Variants in TMTC1 observed in about 807,000 individuals in gnomAD.
TMTC1 encodes transmembrane O-mannosyltransferase targeting cadherins 1.
Under a neutral mutation model 104.8 loss-of-function variants are expected in TMTC1, and 73 were observed. The ratio of observed to expected loss-of-function variants is 0.70; its 90% confidence interval spans 0.58 to 0.85. The LOEUF (loss-of-function observed/expected upper bound fraction) is 0.85, where lower values mean the gene tolerates loss of function less well. Among genes scored for constraint, TMTC1 ranks in the 40% least tolerant of loss-of-function variants. TMTC1 has a pLI of 0.00. For synonymous variants in TMTC1, 434 were observed against 428.7 expected (o/e 1.01, Z -0.15); for missense variants, 1,035 against 1,096.1 (o/e 0.94, Z 0.79).
At chr12:29,685,642 GA>G (rs993818204) in intron 5 of TMTC1, among the ~76,000 whole-genome samples, 2 of 151,288 alleles carry the variant, frequency 1.3e-5, no homozygotes, top group Middle Eastern at 3.4e-3. Context: ...CTTTCAACCA[GA>G]AAAAAAAGAG....
At chr12:29,747,080 T>C (rs1942972909) in intron 5 of TMTC1, among the ~76,000 whole-genome samples, 1 of 152,176 alleles carries the variant, frequency 6.6e-6, no homozygotes, top group African/African-American at 2.4e-5. Context: ...ATGCCTATTG[T>C]GGTCATTGTC....
In TMTC1 at chr12:29,502,908, G is replaced by A. The variant is rs1363603740; in HGVS notation, c.*3938C>T. ...TGCAGCCCGTGTTGAGAGCCACTAC[G>A]TGTGAGGGAACAGATGTCAACTATC... On this transcript the variant is annotated 3_prime_UTR_variant, in exon 18 of 18. Coordinates refer to ENST00000539277, the MANE Select transcript of TMTC1 (RefSeq NM_001193451.2). 1.3e-5 allele frequency: 2 copies of A among 152,210 alleles called. No homozygotes were observed. Among genetic ancestry groups the A allele is most frequent in the Non-Finnish European group, 2.9e-5 (2 of 68,042 alleles). The allele number at this position is 152,210 out of a possible 1,614,324, so 9.4% of individuals were successfully genotyped here. A position where few individuals can be genotyped will look rare whatever the true frequency, so the allele number is the denominator to read the frequency against.
intron 5 of TMTC1, among the ~76,000 whole-genome samples, chr12:29,655,375 C>T (rs1939710017): frequency 6.6e-6 from 1 of 152,000 alleles, no homozygotes; most frequent in South Asian, 2.1e-4. Context: ...ATTTTTTTTC[C>T]AATGTACTGC....
intron 13 of TMTC1, 128 bp from the exon 14 acceptor site, chr12:29,517,699 T>C: frequency 9.2e-7 from 1 of 1,086,554 alleles, no homozygotes; most frequent in Non-Finnish European, 1.3e-6. Flanking sequence ...TGTTTTTATA[T>C]CAATAACAAG....
intron 8 of TMTC1, among the ~76,000 whole-genome samples, chr12:29,581,294 T>C (rs1051333104): frequency 3.3e-5 from 5 of 152,228 alleles, no homozygotes; most frequent in African/African-American, 4.8e-5. Flanking sequence ...ACAGTCTTAA[T>C]AGTCTTTTAA....
intron 10 of TMTC1, among the ~76,000 whole-genome samples, chr12:29,545,362 G>A (rs763279659): frequency 6.6e-6 from 1 of 152,152 alleles, no homozygotes; most frequent in Non-Finnish European, 1.5e-5. Flanking sequence ...GATGGAGGCC[G>A]GGCACAATGG....
At chr12:29,591,108 C>A (rs1377518748) in intron 7 of TMTC1, among the ~76,000 whole-genome samples, 1 of 152,146 alleles carries the variant, frequency 6.6e-6, no homozygotes, top group Non-Finnish European at 1.5e-5. Context: ...TTAAGCCATA[C>A]AAAATAATCT....
At chr12:29,622,835 A>G (rs1204629113) in intron 6 of TMTC1, among the ~76,000 whole-genome samples, 2 of 152,170 alleles carry the variant, frequency 1.3e-5, no homozygotes, top group East Asian at 3.9e-4. Context: ...GATAAATTCT[A>G]CTCTTAAATT....
Position 29,544,026 on chromosome 12 carries a change from C to T in TMTC1, c.1677-7709G>A, listed in dbSNP as rs548298592. ...TGGGAGGCCAAGGTGGGCAGATCAC[C>T]TGAGGTCAGGAGTTTGAGACCAGCC... On this transcript the variant is annotated intron_variant, in intron 10 of 17. Coordinates refer to ENST00000539277, the MANE Select transcript of TMTC1 (RefSeq NM_001193451.2). Among the ~76,000 whole-genome samples the T allele has an allele frequency of 2.6e-5, 4 of 152,106 alleles. No homozygotes were observed. The East Asian group carries it at 7.7e-4, about 29-fold the overall frequency.
intron 16 of TMTC1, among the ~76,000 whole-genome samples, chr12:29,513,904 C>T (rs544175441): frequency 2.6e-5 from 4 of 152,052 alleles, no homozygotes; most frequent in African/African-American, 9.6e-5. Flanking sequence ...CACACACATA[C>T]GGGGGTTAGG....
At chr12:29,771,857 A>G (rs1177568120) in intron 1 of TMTC1, among the ~76,000 whole-genome samples, 1 of 152,184 alleles carries the variant, frequency 6.6e-6, no homozygotes, top group Non-Finnish European at 1.5e-5. Context: ...CAGCCTAGAG[A>G]AAGATGACAG....
intron 5 of TMTC1, among the ~76,000 whole-genome samples, chr12:29,722,233 C>A (rs994343926): frequency 2.0e-5 from 3 of 152,140 alleles, no homozygotes; most frequent in East Asian, 1.9e-4. Context: ...GGAATTTGCA[C>A]CTACAATGCA....
chr12:29,689,392 G>A (rs1941196798), intron 5 of TMTC1, among the ~76,000 whole-genome samples: 1 of 151,978 alleles, frequency 6.6e-6, no homozygotes, highest in Admixed American at 6.6e-5. Flanking sequence ...TCAGCTCACT[G>A]CAACTCCACC....
At chr12:29,584,902 G>A (rs1365660193) in intron 7 of TMTC1, among the ~76,000 whole-genome samples, 1 of 150,372 alleles carries the variant, frequency 6.7e-6, no homozygotes, top group Admixed American at 6.7e-5. Context: ...ATAAACATAC[G>A]TGTGCATGTG....
chr12:29,687,179 T>C (rs889001829), intron 5 of TMTC1, among the ~76,000 whole-genome samples: 2 of 152,186 alleles, frequency 1.3e-5, no homozygotes, highest in Non-Finnish European at 2.9e-5. Flanking sequence ...AATATACTTA[T>C]TAATTACAAG....
At chr12:29,662,390 G>A (rs1215581143) in intron 5 of TMTC1, among the ~76,000 whole-genome samples, 3 of 152,128 alleles carry the variant, frequency 2.0e-5, no homozygotes, top group South Asian at 2.1e-4. Context: ...GGTGGCTCAC[G>A]CCTGTAATCC....
rs541089692 is a variant in TMTC1 at position 29,748,661 on chromosome 12, A to C, written c.938+3005T>G. ...CCACAGTGGTTGGATAGAATAACAC[A>C]TGGGACATGCTAGCCCCCTTTCTGG... On this transcript the variant is annotated intron_variant, in intron 5 of 17. Transcript: ENST00000539277. Among the ~76,000 whole-genome samples, 10 of 152,338 alleles carry C rather than the reference A, an allele frequency of 6.6e-5. No individual in the cohort carries two copies. The South Asian group carries it at 2.1e-3, about 32-fold the overall frequency.
chr12:29,686,261 C>T (rs75515976), intron 5 of TMTC1, among the ~76,000 whole-genome samples: 4,122 of 152,270 alleles, frequency 0.027, 175 homozygotes, highest in African/African-American at 0.093. Context: ...CTTCCATCTA[C>T]CCCTAATACT....
chr12:29,667,594 T>C (rs1377723964), intron 5 of TMTC1, among the ~76,000 whole-genome samples: 1 of 152,118 alleles, frequency 6.6e-6, no homozygotes, highest in Non-Finnish European at 1.5e-5. Context: ...GGGAAAAAAA[T>C]GATGCCCAGA....
Sources: gnomAD v4.1 joint callset for allele counts (sites outside exome capture counted in the v4.1 genomes callset) on GRCh38, gnomAD v4.1.1 for gene constraint, MANE v1.5 for transcripts, NCBI Gene and HGNC (gene_info 2026-07-23, HGNC 2026-07-21) for gene names.